Variants in CLIC4 observed in about 807,000 individuals in gnomAD.
CLIC4 encodes chloride intracellular channel protein 4.
In CLIC4, 13 loss-of-function variants were observed where a neutral mutation model predicts 24.6. That is an observed-to-expected ratio of 0.53 (90% CI 0.34 to 0.84). The LOEUF is 0.84. CLIC4 is among the 40% of genes least tolerant of loss of function. CLIC4 has a pLI of 0.01. For missense variants in CLIC4, 227 were observed against 301.7 expected (o/e 0.75, Z 1.83); for synonymous variants, 104 against 111.3 (o/e 0.93, Z 0.41).
chr1:24,780,169 T>C (rs916105484), intron 1 of CLIC4, among the ~76,000 whole-genome samples: 1 of 152,212 alleles, frequency 6.6e-6, no homozygotes, highest in African/African-American at 2.4e-5. Flanking sequence ...TTTATATTCA[T>C]GATAACCCTG....
At chr1:24,819,160 A>C (rs1019958579) in intron 3 of CLIC4, among the ~76,000 whole-genome samples, 1 of 152,022 alleles carries the variant, frequency 6.6e-6, no homozygotes, top group Non-Finnish European at 1.5e-5. Flanking sequence ...TTTTCTACTA[A>C]AATTCTACAA....
chr1:24,783,441 C>T (rs1639229273), intron 1 of CLIC4, among the ~76,000 whole-genome samples: 1 of 152,120 alleles, frequency 6.6e-6, no homozygotes, highest in Non-Finnish European at 1.5e-5. Flanking sequence ...GTGGCTCACG[C>T]CTGTAATCCT....
intron 1 of CLIC4, among the ~76,000 whole-genome samples, chr1:24,781,083 AT>A (rs1489336115): frequency 4.7e-5 from 6 of 126,988 alleles, no homozygotes; most frequent in African/African-American, 1.7e-4. Flanking sequence ...GTGAAACTCC[AT>A]CTCAAAAAAA....
chr1:24,787,096 A>G (rs1639276688), intron 1 of CLIC4, among the ~76,000 whole-genome samples: 1 of 151,972 alleles, frequency 6.6e-6, no homozygotes, highest in African/African-American at 2.4e-5. Context: ...TAATTTTTTA[A>G]AATTTTTTGT....
chr1:24,823,554 C>T (rs1639755827), intron 3 of CLIC4, among the ~76,000 whole-genome samples: 1 of 152,114 alleles, frequency 6.6e-6, no homozygotes, highest in East Asian at 1.9e-4. Flanking sequence ...GCGGGTGGAT[C>T]ATGAGGTCAG....
intron 1 of CLIC4, among the ~76,000 whole-genome samples, chr1:24,764,213 G>C (rs940471168): frequency 6.6e-6 from 1 of 152,142 alleles, no homozygotes; most frequent in African/African-American, 2.4e-5. Context: ...CGATTCTCCT[G>C]CCTCAGCCTC....
chr1:24,795,038 G>A (rs1236898641), intron 1 of CLIC4, among the ~76,000 whole-genome samples: 4 of 152,106 alleles, frequency 2.6e-5, no homozygotes, highest in African/African-American at 7.2e-5. Flanking sequence ...ACTTGAGGGT[G>A]GAGGATGGAA....
At chr1:24,827,534 AGTCT>A (rs1639798598) in intron 4 of CLIC4, among the ~76,000 whole-genome samples, 1 of 133,306 alleles carries the variant, frequency 7.5e-6, no homozygotes, top group Non-Finnish European at 1.6e-5. Context: ...GCCTAGAGTC[AGTCT>A]GAGGTTTTTT....
At chr1:24,756,678 TGAA>T (rs988934473) in intron 1 of CLIC4, among the ~76,000 whole-genome samples, 18 of 152,280 alleles carry the variant, frequency 1.2e-4, no homozygotes, top group African/African-American at 4.3e-4. Context: ...GAACAAATAT[TGAA>T]GAATACAAAA....
At chr1:24,823,497 G>A (rs1352176911) in intron 3 of CLIC4, among the ~76,000 whole-genome samples, 1 of 152,068 alleles carries the variant, frequency 6.6e-6, no homozygotes, top group East Asian at 1.9e-4. Context: ...CATACAGGCC[G>A]GGTGTGGTAG....
intron 3 of CLIC4, among the ~76,000 whole-genome samples, chr1:24,826,064 A>G (rs1235093654): frequency 6.6e-6 from 1 of 152,206 alleles, no homozygotes; most frequent in Non-Finnish European, 1.5e-5. Context: ...GCTTTTTCAT[A>G]TATTTTCCAG....
chr1:24,748,492 G>GTTTTTT (rs1360200160), intron 1 of CLIC4, among the ~76,000 whole-genome samples: 2 of 63,200 alleles, frequency 3.2e-5, no homozygotes, highest in African/African-American at 9.7e-5. Flanking sequence ...TACAGATCAG[G>GTTTTTT]TTTTTTGTTT....
intron 1 of CLIC4, among the ~76,000 whole-genome samples, chr1:24,782,524 TA>T (rs1639216855): frequency 6.6e-6 from 1 of 152,152 alleles, no homozygotes; most frequent in African/African-American, 2.4e-5. Context: ...AAAAAAGTTT[TA>T]ATTTTAAAAG....
intron 1 of CLIC4, among the ~76,000 whole-genome samples, chr1:24,796,844 T>C (rs1267218988): frequency 6.6e-6 from 1 of 152,218 alleles, no homozygotes; most frequent in Non-Finnish European, 1.5e-5. Flanking sequence ...CACATATTGC[T>C]AGTGGCTACC....
intron 1 of CLIC4, among the ~76,000 whole-genome samples, chr1:24,775,511 CTCTT>C (rs754631960): frequency 4.6e-5 from 7 of 150,704 alleles, no homozygotes; most frequent in Non-Finnish European, 8.9e-5. Context: ...GTTCACAGAC[CTCTT>C]TCTTTCTTCT....
chr1:24,843,012 A>G lies in CLIC4; in HGVS notation c.*2075A>G, dbSNP rs1469565610. ...GGAGGGCTAACAAGAGGAAAGAACT[A>G]CATTCTTCAGAATACAGTGATGAAA... is the stretch of plus-strand genomic sequence containing the variant. On this transcript the variant is annotated 3_prime_UTR_variant, in exon 6 of 6. Coordinates refer to ENST00000374379, the MANE Select transcript of CLIC4 (RefSeq NM_013943.3). 1 of 152,178 alleles carries G rather than the reference A, an allele frequency of 6.6e-6. No individual in the cohort carries two copies. The highest frequency in any genetic ancestry group is 2.4e-5 in the African/African-American group (1 of 41,452). 9.4% of individuals were successfully genotyped at this position (152,178 alleles called of 1,614,324 possible).
chr1:24,749,255 G>A (rs1316059283), intron 1 of CLIC4, among the ~76,000 whole-genome samples: 2 of 151,900 alleles, frequency 1.3e-5, no homozygotes, highest in African/African-American at 2.4e-5. Flanking sequence ...AGTAGAGAGG[G>A]TGCAGAGGCT....
intron 1 of CLIC4, among the ~76,000 whole-genome samples, chr1:24,790,605 C>T (rs1488323082): frequency 1.3e-5 from 2 of 152,044 alleles, no homozygotes; most frequent in Non-Finnish European, 2.9e-5. Context: ...GGAGTTGCAG[C>T]TCCCTGTGTG....
At position 24,827,091 on chromosome 1, in the gene CLIC4, G is replaced by C; in HGVS notation, c.390G>C (p.Lys130Asn). 1 of 1,608,746 alleles carries C rather than the reference G, an allele frequency of 6.2e-7. No individual in the cohort carries two copies. Among genetic ancestry groups the C allele is most frequent in the Non-Finnish European group, 8.5e-7 (1 of 1,178,010 alleles). ...TTGCCAAATTCTCTGCATATATCAA[G>C]AATTCAAGGCCAGAGGCTAATGAAG... ...DIFAKFSAYI[K>N]NSRPEANEAL... Residue 130 changes from lysine to asparagine, a missense_variant, in exon 4 of 6, where the codon AAG becomes AAC. Coordinates refer to ENST00000374379, the MANE Select transcript of CLIC4 (RefSeq NM_013943.3).
Sources: gnomAD v4.1 joint callset for allele counts (sites outside exome capture counted in the v4.1 genomes callset) on GRCh38, gnomAD v4.1.1 for gene constraint, MANE v1.5 for transcripts, NCBI Gene and HGNC (gene_info 2026-07-23, HGNC 2026-07-21) for gene names.